ASAP1: variants seen among roughly 807,000 people sequenced by gnomAD.
ASAP1 encodes the protein ArfGAP with SH3 domain, ankyrin repeat and PH domain 1, also known as arf-GAP with SH3 domain, ANK repeat and PH domain-containing protein 1.
In ASAP1, 43 loss-of-function variants were observed where a neutral mutation model predicts 145.2. The observed-to-expected ratio is 0.30, with a 90% CI of 0.23 to 0.38. The LOEUF (loss-of-function observed/expected upper bound fraction) is 0.38, where lower values mean the gene tolerates loss of function less well. ASAP1 is among the 10% of genes least tolerant of loss of function. ASAP1 has a pLI of 1.00. For synonymous variants in ASAP1, 546 were observed against 515.5 expected, an observed-to-expected ratio of 1.06 and a Z score of -0.80; for missense variants, 1,018 against 1,355.3, an observed-to-expected ratio of 0.75 and a Z score of 3.91.
At chr8:130,361,649 A>G (rs1350443180) in intron 2 of ASAP1, 3 of 1,485,326 alleles carry the variant, frequency 2.0e-6, no homozygotes, top group Non-Finnish European at 2.7e-6. Context: ...TACAATTTCA[A>G]AGGTTCACAC....
At chr8:130,205,536 A>G (rs982219669) in intron 5 of ASAP1, among the ~76,000 whole-genome samples, 2 of 151,764 alleles carry the variant, frequency 1.3e-5, no homozygotes, top group African/African-American at 2.4e-5. Context: ...ATATACAATG[A>G]AACAGTATGC....
chr8:130,118,510 T>C lies in ASAP1; in HGVS notation c.1773A>G (p.Glu591=), dbSNP rs1249999847. ...QVYAEGVELM[E]PLLEPGQELG... is the part of the protein sequence containing the mutation. Reference sequence around the variant, plus strand: ...TTACCTGCCCAGGTTCCAGCAGTGGTTCCATTAGCTCTACCCCTTCTGCAT... The same window carrying C: ...TTACCTGCCCAGGTTCCAGCAGTGGCTCCATTAGCTCTACCCCTTCTGCAT... The change falls in exon 19 of 30, where the codon GAA becomes GAG. Residue 591 remains glutamate (E), a synonymous_variant. Transcript: ENST00000518721. The C allele has an allele frequency of 6.2e-7, 1 of 1,610,468 alleles. No individual in the cohort carries two copies. Among genetic ancestry groups the C allele is most frequent in the Admixed American group, 1.7e-5 (1 of 59,548 alleles).
Position 130,114,443 on chromosome 8 carries a change from T to G in ASAP1, c.2172+1185A>C, listed in dbSNP as rs80165712. ...AAAATGGTACATCTATGTAGGACAC[T>G]TTCCATAAATGGAGCTGGAAGGACT... On this transcript the variant is annotated intron_variant, in intron 23 of 29. Coordinates refer to ENST00000518721, the MANE Select transcript of ASAP1 (RefSeq NM_018482.4). Among the ~76,000 whole-genome samples the G allele has an allele frequency of 1.6e-3, 248 of 152,338 alleles. 1 individual carries two copies. Among genetic ancestry groups the G allele is most frequent in the East Asian group, 0.01 (52 of 5,184 alleles).
chr8:130,268,540 T>C (rs1249466667), intron 3 of ASAP1, among the ~76,000 whole-genome samples: 1 of 135,714 alleles, frequency 7.4e-6, no homozygotes, highest in Admixed American at 7.6e-5. Context: ...CACACAACTG[T>C]GTAACTATAG....
At chr8:130,070,100 A>G (rs571678368) in intron 27 of ASAP1, among the ~76,000 whole-genome samples, 16 of 151,990 alleles carry the variant, frequency 1.1e-4, no homozygotes, top group Non-Finnish European at 2.4e-4. Context: ...GCAGTGGCGC[A>G]ATCTCGGCTC....
chr8:130,205,964 T>C (rs954369242), intron 5 of ASAP1, among the ~76,000 whole-genome samples: 2 of 152,164 alleles, frequency 1.3e-5, no homozygotes, highest in Non-Finnish European at 2.9e-5. Context: ...TCCATAAAAT[T>C]GTTTCAAATA....
chr8:130,406,050 A>C (rs781317223), intron 1 of ASAP1, among the ~76,000 whole-genome samples: 7 of 152,196 alleles, frequency 4.6e-5, no homozygotes, highest in Non-Finnish European at 1.0e-4. Context: ...TCCTATACTA[A>C]GGCGATTTCA....
At chr8:130,157,021 A>C (rs572452507) in intron 12 of ASAP1, among the ~76,000 whole-genome samples, 1 of 152,246 alleles carries the variant, frequency 6.6e-6, no homozygotes, top group Admixed American at 6.5e-5. Flanking sequence ...GTAATAGTAC[A>C]TTGTTGCTCA....
At chr8:130,228,838 A>G (rs1817742559) in intron 4 of ASAP1, among the ~76,000 whole-genome samples, 1 of 152,084 alleles carries the variant, frequency 6.6e-6, no homozygotes. Context: ...AGCTCATCTG[A>G]ATTTTCTATA....
At chr8:130,392,425 G>GT (rs1486720716) in intron 2 of ASAP1, among the ~76,000 whole-genome samples, 2 of 152,224 alleles carry the variant, frequency 1.3e-5, no homozygotes, top group Non-Finnish European at 2.9e-5. Context: ...TCTGCACATG[G>GT]TTTAGACCAC....
At chr8:130,328,512 GCC>G (rs1444177936) in intron 3 of ASAP1, among the ~76,000 whole-genome samples, 1 of 151,988 alleles carries the variant, frequency 6.6e-6, no homozygotes, top group African/African-American at 2.4e-5. Context: ...CAACACCTTG[GCC>G]ACACAATACT....
chr8:130,397,005 T>C (rs191807390), intron 2 of ASAP1, among the ~76,000 whole-genome samples: 2 of 152,324 alleles, frequency 1.3e-5, no homozygotes, highest in African/African-American at 2.4e-5. Context: ...GTCTCCCTTA[T>C]GGTATTTGGG....
At chr8:130,223,654 A>G (rs1817424012) in intron 4 of ASAP1, among the ~76,000 whole-genome samples, 1 of 152,038 alleles carries the variant, frequency 6.6e-6, no homozygotes, top group South Asian at 2.1e-4. Flanking sequence ...ATTAAAGGAA[A>G]TAGATGAGAA....
intron 2 of ASAP1, among the ~76,000 whole-genome samples, chr8:130,394,289 CCT>C (rs1828420122): frequency 1.3e-5 from 2 of 152,212 alleles, no homozygotes; most frequent in African/African-American, 4.8e-5. Flanking sequence ...AGAATGCGCC[CCT>C]GAGGGTAGGT....
Position 130,309,917 on chromosome 8 carries a change from T to G in ASAP1, c.186+48100A>C, listed in dbSNP as rs558247845. Among the ~76,000 whole-genome samples, 6 of 152,262 alleles carry G rather than the reference T, an allele frequency of 3.9e-5. No homozygotes were observed. In the East Asian group the frequency reaches 1.2e-3, roughly 29 times the overall value. On this transcript the variant is annotated intron_variant, in intron 3 of 29. Transcript: ENST00000518721. ...AAAATCCAGAACTCAGCATGAGTCT[T>G]TAGACATATTTTTATGATGTTAACA... is the stretch of plus-strand genomic sequence containing the variant.
At chr8:130,367,073 G>A (rs1826992239) in intron 2 of ASAP1, among the ~76,000 whole-genome samples, 1 of 151,650 alleles carries the variant, frequency 6.6e-6, no homozygotes, top group African/African-American at 2.4e-5. Context: ...TGTATTTTTA[G>A]TAGAGACGGG....
intron 25 of ASAP1, 140 bp downstream of exon 25, chr8:130,091,833 G>T: frequency 2.2e-6 from 2 of 897,986 alleles, no homozygotes; most frequent in Non-Finnish European, 3.2e-6. Context: ...GTAGAATCAT[G>T]TCATATATAC....
At chr8:130,097,257 C>T (rs942799408) in intron 24 of ASAP1, among the ~76,000 whole-genome samples, 1 of 150,376 alleles carries the variant, frequency 6.6e-6, no homozygotes, top group African/African-American at 2.4e-5. Flanking sequence ...GTATCAGGTG[C>T]TGTGCTCTGG....
chr8:130,149,541 T>C lies in ASAP1; in HGVS notation c.1080+3195A>G, dbSNP rs150444385. On this transcript the variant is annotated intron_variant, in intron 13 of 29. Transcript: ENST00000518721. Reference sequence around the variant, plus strand: ...GGCCAAGCCAACAAACCCTGCATCATTAATCTAAATGCATACTTGGCCTTC... The same window carrying C: ...GGCCAAGCCAACAAACCCTGCATCACTAATCTAAATGCATACTTGGCCTTC... Among the ~76,000 whole-genome samples, 821 of 152,174 alleles carry C rather than the reference T, an allele frequency of 5.4e-3. 5 individuals are homozygous for C. Among genetic ancestry groups the C allele is most frequent in the Middle Eastern group, 0.024 (7 of 294 alleles).
Sources: gnomAD v4.1 joint callset for allele counts (sites outside exome capture counted in the v4.1 genomes callset) on GRCh38, gnomAD v4.1.1 for gene constraint, MANE v1.5 for transcripts, NCBI Gene and HGNC (gene_info 2026-07-23, HGNC 2026-07-21) for gene names.